The following GABRA5 variants were observed in gnomAD, a reference collection of about 807,000 sequenced individuals.
The protein encoded by GABRA5 is gamma-aminobutyric acid type A receptor subunit alpha5, also known as gamma-aminobutyric acid receptor subunit alpha-5.
GABRA5 carries 18 observed loss-of-function variants against 47.3 expected under a neutral mutation model. The observed-to-expected ratio is 0.38, with a 90% CI of 0.26 to 0.56. The LOEUF (loss-of-function observed/expected upper bound fraction) is 0.56, where lower values mean the gene tolerates loss of function less well. GABRA5 is among the 20% of genes least tolerant of loss of function. The pLI is 0.71. For synonymous variants in GABRA5, 237 were observed against 229.3 expected, an observed-to-expected ratio of 1.03 and a Z score of -0.30; for missense variants, 365 against 599.3, an observed-to-expected ratio of 0.61 and a Z score of 4.08.
At position 26,867,415 on chromosome 15, in the gene GABRA5, T is replaced by C. The variant is rs1376695636; in HGVS notation, c.-140+304T>C. 1 of 150,858 alleles carries C rather than the reference T, an allele frequency of 6.6e-6. No individual in the cohort carries two copies. Among genetic ancestry groups the C allele is most frequent in the African/African-American group, 2.4e-5 (1 of 40,982 alleles). 9.3% of individuals were successfully genotyped at this position (150,858 alleles called of 1,614,324 possible). A position where few individuals can be genotyped will look rare whatever the true frequency, so the allele number is the denominator to read the frequency against. ...CCCTGGGCGCGCTGGGCCGGGGCAG[T>C]GGGGTAAGAGGACGCGAGCGGGGAA... On this transcript the variant is annotated intron_variant, in intron 1 of 10. Transcript: ENST00000335625. This position sits in a 1 kb window ranked among gnomAD's most constrained non-coding sequence, Gnocchi z 5.9.
chr15:26,903,347 G>A (rs973643324), intron 6 of GABRA5, among the ~76,000 whole-genome samples: 2 of 151,942 alleles, frequency 1.3e-5, no homozygotes, highest in Non-Finnish European at 2.9e-5. Context: ...TTTCTTCATT[G>A]ATTCTAACTT....
intron 7 of GABRA5, among the ~76,000 whole-genome samples, chr15:26,917,267 A>T (rs1224066677): frequency 6.6e-6 from 1 of 152,050 alleles, no homozygotes; most frequent in African/African-American, 2.4e-5. Context: ...TTGTGTATCG[A>T]GAATTTTTAT....
intron 8 of GABRA5, chr15:26,939,107 G>T: frequency 1.5e-6 from 1 of 681,964 alleles, no homozygotes; most frequent in Non-Finnish European, 2.6e-6. Flanking sequence ...AAAGTTTTTT[G>T]AATTGCTCTT....
intron 3 of GABRA5, among the ~76,000 whole-genome samples, chr15:26,873,396 T>C (rs1382597965): frequency 6.6e-6 from 1 of 151,960 alleles, no homozygotes; most frequent in Non-Finnish European, 1.5e-5. Context: ...TACTGATTGA[T>C]AAAAAAATCT....
chr15:26,934,010 G>A (rs1418730253), intron 7 of GABRA5, among the ~76,000 whole-genome samples: 1 of 152,018 alleles, frequency 6.6e-6, no homozygotes, highest in Non-Finnish European at 1.5e-5. Context: ...TTCAAAGAGA[G>A]GGGAGGCTGA....
intron 6 of GABRA5, among the ~76,000 whole-genome samples, chr15:26,895,135 C>T (rs145439587): frequency 0.023 from 3,480 of 152,212 alleles, 120 homozygotes; most frequent in African/African-American, 0.08. Flanking sequence ...TTTTTAGCCC[C>T]TGGCTACTGC....
intron 7 of GABRA5, among the ~76,000 whole-genome samples, chr15:26,919,638 T>C (rs904260085): frequency 1.3e-5 from 2 of 152,068 alleles, no homozygotes; most frequent in African/African-American, 4.8e-5. Context: ...AGTGACTTAT[T>C]CATCACTGTT....
At chr15:26,940,551 T>C (rs1415176647) in intron 9 of GABRA5, among the ~76,000 whole-genome samples, 1 of 127,554 alleles carries the variant, frequency 7.8e-6, no homozygotes, top group East Asian at 1.9e-4. Context: ...CCAAAAAGTT[T>C]TGGATTCTGT....
At chr15:26,890,974 A>T (rs1384633680) in intron 6 of GABRA5, among the ~76,000 whole-genome samples, 2 of 152,168 alleles carry the variant, frequency 1.3e-5, no homozygotes, top group Non-Finnish European at 2.9e-5. Context: ...CTGCCAATTT[A>T]ATAAAGAGTC....
At chr15:26,895,573 G>A (rs1360601118) in intron 6 of GABRA5, among the ~76,000 whole-genome samples, 1 of 152,046 alleles carries the variant, frequency 6.6e-6, no homozygotes, top group Non-Finnish European at 1.5e-5. Context: ...AGCACTTTGG[G>A]TGGCCGAAGC....
intron 6 of GABRA5, among the ~76,000 whole-genome samples, chr15:26,893,405 T>TA (rs1349475677): frequency 7.0e-6 from 1 of 142,584 alleles, no homozygotes; most frequent in African/African-American, 2.6e-5. Flanking sequence ...GTATGGTGTG[T>TA]TGTGTGTGTT....
chr15:26,908,469 T>A (rs2140287081), intron 6 of GABRA5, among the ~76,000 whole-genome samples: 1 of 152,308 alleles, frequency 6.6e-6, no homozygotes, highest in East Asian at 1.9e-4. Context: ...CCTGCCGTCA[T>A]GCCAGCTGCA....
intron 9 of GABRA5, among the ~76,000 whole-genome samples, chr15:26,942,138 G>A (rs894386372): frequency 2.0e-5 from 3 of 152,156 alleles, no homozygotes; most frequent in African/African-American, 4.8e-5. Context: ...CCTTGCTGGC[G>A]AGCTTGGGCA....
At chr15:26,931,964 CA>C (rs1223447164) in intron 7 of GABRA5, among the ~76,000 whole-genome samples, 1 of 152,070 alleles carries the variant, frequency 6.6e-6, no homozygotes, top group Non-Finnish European at 1.5e-5. Context: ...ATACAAAAAT[CA>C]AATCAAGATG....
At chr15:26,914,077 C>A (rs1370078427) in intron 6 of GABRA5, among the ~76,000 whole-genome samples, 1 of 152,162 alleles carries the variant, frequency 6.6e-6, no homozygotes, top group Non-Finnish European at 1.5e-5. Context: ...CACAGACATG[C>A]CAGCTCTTGT....
At chr15:26,933,348 A>G (rs1315350446) in intron 7 of GABRA5, among the ~76,000 whole-genome samples, 2 of 152,214 alleles carry the variant, frequency 1.3e-5, no homozygotes, top group Non-Finnish European at 2.9e-5. Flanking sequence ...ACTGTTTTCC[A>G]TGAGGAAATT....
chr15:26,948,017 A>G lies in GABRA5; in HGVS notation c.1173A>G (p.Glu391=), dbSNP rs1195380844. ...CTCACCCCCCAAACATTCCGAAGGAACAGACCCCAGCAGGGACGTCGAATA... is the reference window on the plus strand; with the variant it reads ...CTCACCCCCCAAACATTCCGAAGGAGCAGACCCCAGCAGGGACGTCGAATA... The part of the protein sequence containing the change: ...KMSHPPNIPK[E]QTPAGTSNTT... Residue 391 remains glutamate, a synonymous_variant, in exon 11 of 11, where the codon GAA becomes GAG. Transcript: ENST00000335625. 2 of 1,603,868 alleles carry G rather than the reference A, an allele frequency of 1.2e-6. No individual in the cohort carries two copies. The highest frequency in any genetic ancestry group is 8.5e-7 in the Non-Finnish European group (1 of 1,174,786).
intron 3 of GABRA5, among the ~76,000 whole-genome samples, chr15:26,877,970 T>G (rs1566863843): frequency 6.6e-6 from 1 of 152,234 alleles, no homozygotes; most frequent in Non-Finnish European, 1.5e-5. Flanking sequence ...TCGTGGACTC[T>G]GGTCGACCTC....
At chr15:26,885,723 C>A (rs1000834497) in intron 6 of GABRA5, among the ~76,000 whole-genome samples, 7 of 152,042 alleles carry the variant, frequency 4.6e-5, no homozygotes, top group Admixed American at 2.6e-4. Flanking sequence ...AGCCATCAGT[C>A]CATGGAAAAA....
Sources: gnomAD v4.1 joint callset for allele counts (sites outside exome capture counted in the v4.1 genomes callset) on GRCh38, gnomAD v4.1.1 for gene constraint, Gnocchi (gnomAD v3.1) non-coding constraint, MANE v1.5 for transcripts, NCBI Gene and HGNC (gene_info 2026-07-23, HGNC 2026-07-21) for gene names.